Variants in ADAMTS17 observed in about 807,000 individuals in gnomAD.
The protein encoded by ADAMTS17 is A disintegrin and metalloproteinase with thrombospondin motifs 17.
Under a neutral mutation model 141.5 loss-of-function variants are expected in ADAMTS17, and 113 were observed. The observed-to-expected ratio is 0.80, with a 90% confidence interval of 0.69 to 0.93. The LOEUF (loss-of-function observed/expected upper bound fraction) is 0.93, where lower values mean the gene tolerates loss of function less well. Ranked by LOEUF, ADAMTS17 falls within the 40% of genes least tolerant of loss-of-function variation. ADAMTS17 has a pLI of 0.00. For missense variants in ADAMTS17, 1,659 were observed against 1,517.9 expected (o/e 1.09, Z -1.54); for synonymous variants, 768 against 630.6 (o/e 1.22, Z -3.27).
chr15:100,292,414 G>A lies in ADAMTS17; in HGVS notation c.617-11013C>T, dbSNP rs191649263. Among the ~76,000 whole-genome samples, 3 of 148,264 alleles carry A rather than the reference G, an allele frequency of 2.0e-5. No individual in the cohort carries two copies. In the East Asian group the frequency reaches 6.1e-4, roughly 30 times the overall value. On this transcript the variant is annotated intron_variant, in intron 3 of 21. Transcript: ENST00000268070. ...TGAAATTACGAGAGACACTCACCCC[G>A]TTAGAGACACTCACCCCGTGTTAGA... is the stretch of plus-strand genomic sequence containing the variant.
At chr15:100,198,617 C>T (rs937779944) in intron 8 of ADAMTS17, among the ~76,000 whole-genome samples, 5 of 152,198 alleles carry the variant, frequency 3.3e-5, no homozygotes, top group Admixed American at 2.6e-4. Flanking sequence ...AAACATAAAA[C>T]AGACACCTAC....
intron 15 of ADAMTS17, among the ~76,000 whole-genome samples, chr15:100,058,603 C>T (rs1378922112): frequency 6.6e-6 from 1 of 152,254 alleles, no homozygotes; most frequent in Non-Finnish European, 1.5e-5. Flanking sequence ...AGAAACGCTG[C>T]ACAGAGGTGG....
At chr15:100,230,422 C>T (rs1172767342) in intron 7 of ADAMTS17, among the ~76,000 whole-genome samples, 1 of 152,168 alleles carries the variant, frequency 6.6e-6, no homozygotes, top group Non-Finnish European at 1.5e-5. Context: ...TCATCCATGC[C>T]ATAGACACAC....
chr15:100,134,696 G>T (rs760291985), intron 10 of ADAMTS17, among the ~76,000 whole-genome samples: 1 of 152,238 alleles, frequency 6.6e-6, no homozygotes, highest in Non-Finnish European at 1.5e-5. Context: ...AAAAATAAGA[G>T]AAAGGGAAGG....
intron 7 of ADAMTS17, among the ~76,000 whole-genome samples, chr15:100,227,496 G>C (rs1272626631): frequency 3.3e-5 from 5 of 152,214 alleles, no homozygotes; most frequent in Non-Finnish European, 7.3e-5. Context: ...GGTTTAATCA[G>C]AGACGAGACA....
chr15:100,319,947 A>G (rs965499263), intron 3 of ADAMTS17, among the ~76,000 whole-genome samples: 4 of 152,286 alleles, frequency 2.6e-5, no homozygotes, highest in South Asian at 2.1e-4. Context: ...ATAAATACAT[A>G]AAAGATCTAA....
At chr15:100,139,534 A>G (rs1406502590) in intron 10 of ADAMTS17, among the ~76,000 whole-genome samples, 1 of 152,254 alleles carries the variant, frequency 6.6e-6, no homozygotes, top group Admixed American at 6.5e-5. Context: ...TAAGACACCA[A>G]TAGCGCTGAG....
At chr15:100,221,864 G>C (rs948036319) in intron 7 of ADAMTS17, among the ~76,000 whole-genome samples, 2 of 152,144 alleles carry the variant, frequency 1.3e-5, no homozygotes, top group African/African-American at 4.8e-5. Context: ...TGTGCTCGGG[G>C]TTGGCCCGGC....
intron 12 of ADAMTS17, among the ~76,000 whole-genome samples, chr15:100,125,587 C>A (rs1008415971): frequency 6.6e-6 from 1 of 152,130 alleles, no homozygotes; most frequent in African/African-American, 2.4e-5. Context: ...TGCATCTGAG[C>A]CTTCCTCTCC....
chr15:100,259,434 A>G (rs1419441530), intron 6 of ADAMTS17, among the ~76,000 whole-genome samples: 1 of 152,186 alleles, frequency 6.6e-6, no homozygotes, highest in Non-Finnish European at 1.5e-5. Context: ...CTGGCCAGTG[A>G]GTGTGGGCAG....
intron 7 of ADAMTS17, among the ~76,000 whole-genome samples, chr15:100,243,956 T>C (rs559677248): frequency 1.1e-4 from 16 of 152,102 alleles, no homozygotes; most frequent in Admixed American, 7.9e-4. Context: ...GGATATTAGG[T>C]AAGTGTATCA....
intron 8 of ADAMTS17, among the ~76,000 whole-genome samples, chr15:100,178,182 T>C (rs1868721898): frequency 6.6e-6 from 1 of 152,190 alleles, no homozygotes; most frequent in South Asian, 2.1e-4. Context: ...ATTACTGACA[T>C]GTTAGGGATT....
At chr15:100,215,577 G>A (rs2041945313) in intron 7 of ADAMTS17, among the ~76,000 whole-genome samples, 1 of 152,116 alleles carries the variant, frequency 6.6e-6, no homozygotes, top group African/African-American at 2.4e-5. Context: ...CTGCCCTTGG[G>A]TAACAAGTTG....
Position 100,324,005 on chromosome 15 carries a change from C to T in ADAMTS17, c.616+6884G>A, listed in dbSNP as rs142199225. Among the ~76,000 whole-genome samples, 1,026 of 145,974 alleles carry T rather than the reference C, an allele frequency of 7.0e-3. 15 individuals are homozygous for T. The highest frequency in any genetic ancestry group is 0.024 in the African/African-American group (965 of 39,650). ...AGGGGAGAACGCCATCAGTCACATC[C>T]GTAAACGTTCCTTTCTCTCAAAAAA... is the stretch of plus-strand genomic sequence containing the variant. On this transcript the variant is annotated intron_variant, in intron 3 of 21. Coordinates refer to ENST00000268070, the MANE Select transcript of ADAMTS17 (RefSeq NM_139057.4).
At chr15:100,085,335 G>C (rs1473194542) in intron 15 of ADAMTS17, among the ~76,000 whole-genome samples, 1 of 146,400 alleles carries the variant, frequency 6.8e-6, no homozygotes, top group Non-Finnish European at 1.5e-5. Flanking sequence ...AAGAAATATG[G>C]GACTATGTGA....
intron 7 of ADAMTS17, among the ~76,000 whole-genome samples, chr15:100,205,970 G>T (rs1436966597): frequency 6.6e-6 from 1 of 152,166 alleles, no homozygotes; most frequent in South Asian, 2.1e-4. Flanking sequence ...GCTCCACACT[G>T]AGCCACGCAC....
chr15:99,987,467 T>G (rs1301206254), intron 20 of ADAMTS17, among the ~76,000 whole-genome samples: 1 of 152,164 alleles, frequency 6.6e-6, no homozygotes, highest in Non-Finnish European at 1.5e-5. Context: ...TCTGCTGCCT[T>G]CAAATGCCAG....
At chr15:100,110,722 C>T (rs1264218509) in intron 13 of ADAMTS17, among the ~76,000 whole-genome samples, 1 of 152,200 alleles carries the variant, frequency 6.6e-6, no homozygotes, top group Non-Finnish European at 1.5e-5. Context: ...CAAAGACCTT[C>T]ATCCTCCTTG....
Position 99,993,090 on chromosome 15 carries a change from G to A in ADAMTS17, c.2907C>T (p.Asp969=), listed in dbSNP as rs1023775966. The A allele has an allele frequency of 1.2e-6, 2 of 1,614,048 alleles. No homozygotes were observed. Among genetic ancestry groups the A allele is most frequent in the Admixed American group, 3.3e-5 (2 of 60,010 alleles). ...TRPRAEEACE[D]YSGCYEWKTG... Reference sequence around the variant, plus strand: ...TTTTCCACTCGTAGCAGCCTGAGTAGTCCTCGCAGGCCTCCTCGGCTCTCG... The same window carrying A: ...TTTTCCACTCGTAGCAGCCTGAGTAATCCTCGCAGGCCTCCTCGGCTCTCG... The change falls in exon 20 of 22, where the codon GAC becomes GAT. Residue 969 remains aspartate (D), a synonymous_variant. Transcript: ENST00000268070. This position sits in a 1 kb window ranked among gnomAD's most constrained non-coding sequence, Gnocchi z 4.3.
Sources: allele counts gnomAD v4.1 joint callset (sites outside exome capture counted in the v4.1 genomes callset), GRCh38; gene constraint gnomAD v4.1.1; non-coding constraint Gnocchi (gnomAD v3.1); transcripts MANE v1.5; gene names NCBI Gene and HGNC (gene_info 2026-07-23, HGNC 2026-07-21).